The following ATF6 variants were observed in gnomAD, a reference collection of about 807,000 sequenced individuals.
ATF6 encodes activating transcription factor 6.
In ATF6, 53 loss-of-function variants were observed where a neutral mutation model predicts 83.6. That is an observed-to-expected ratio of 0.63 (90% CI 0.51 to 0.80). The LOEUF (loss-of-function observed/expected upper bound fraction) is 0.80. ATF6 is among the 30% of genes least tolerant of loss of function. The pLI is 0.00. For missense variants in ATF6, 744 were observed against 797.9 expected (o/e 0.93, Z 0.81); for synonymous variants, 288 against 285.8 (o/e 1.01, Z -0.08).
chr1:161,908,748 A>G (rs1251557993), intron 14 of ATF6, among the ~76,000 whole-genome samples: 2 of 152,230 alleles, frequency 1.3e-5, no homozygotes, highest in African/African-American at 4.8e-5. Context: ...TTCTATGGCA[A>G]CATTCTTATT....
At chr1:161,798,193 C>T (rs1024098893) in intron 6 of ATF6, among the ~76,000 whole-genome samples, 1 of 152,130 alleles carries the variant, frequency 6.6e-6, no homozygotes, top group Non-Finnish European at 1.5e-5. Flanking sequence ...TGTACAGGCT[C>T]AAATTATAAA....
chr1:161,832,763 T>C (rs1571171654), intron 9 of ATF6, among the ~76,000 whole-genome samples: 1 of 152,256 alleles, frequency 6.6e-6, no homozygotes, highest in East Asian at 1.9e-4. Context: ...CTGGGAAGCT[T>C]GAACTGGGTG....
intron 9 of ATF6, among the ~76,000 whole-genome samples, chr1:161,823,958 TTATGTGTCTG>T (rs1191198145): frequency 6.6e-6 from 1 of 152,130 alleles, no homozygotes; most frequent in African/African-American, 2.4e-5. Flanking sequence ...TTCCATATAT[TTATGTGTCTG>T]TATGTGTATG....
chr1:161,789,049 G>A (rs1034329556), intron 4 of ATF6, among the ~76,000 whole-genome samples: 1 of 151,332 alleles, frequency 6.6e-6, no homozygotes, highest in African/African-American at 2.4e-5. Flanking sequence ...ATATTTGTGG[G>A]GTACATGAGA....
intron 14 of ATF6, 139 bp from the exon 15 acceptor site, chr1:161,912,154 AGTT>A: frequency 1.9e-6 from 1 of 529,984 alleles, no homozygotes; most frequent in Non-Finnish European, 3.3e-6. Flanking sequence ...GCTGGTTTGT[AGTT>A]AATTAAGCCA....
intron 6 of ATF6, among the ~76,000 whole-genome samples, chr1:161,794,693 CT>C (rs1173561951): frequency 2.6e-5 from 4 of 152,148 alleles, no homozygotes; most frequent in Non-Finnish European, 5.9e-5. Flanking sequence ...TGTCATTGTC[CT>C]TTGAATTCTC....
intron 15 of ATF6, among the ~76,000 whole-genome samples, chr1:161,944,509 C>G (rs1477289469): frequency 1.3e-5 from 2 of 152,200 alleles, no homozygotes; most frequent in African/African-American, 4.8e-5. Context: ...GCAGTTTGTT[C>G]TGTAGATAAA....
chr1:161,822,477 G>T (rs958896725), intron 9 of ATF6, among the ~76,000 whole-genome samples: 5 of 152,046 alleles, frequency 3.3e-5, no homozygotes, highest in East Asian at 1.9e-4. Context: ...GTAGGGGTAG[G>T]CATGAAGTCT....
intron 14 of ATF6, 74 bp from the exon 15 acceptor site, chr1:161,912,222 G>GA: frequency 1.1e-6 from 1 of 921,846 alleles, no homozygotes; most frequent in South Asian, 2.0e-5. Context: ...TGACCTCTTA[G>GA]AAGCCCTGAA....
chr1:161,872,593 T>G (rs115854117), intron 14 of ATF6, among the ~76,000 whole-genome samples: 2 of 151,706 alleles, frequency 1.3e-5, no homozygotes, highest in Non-Finnish European at 3.0e-5. Context: ...TTTATGTTAT[T>G]TTAAAACCTA....
At chr1:161,952,666 A>ATT (rs1285918818) in intron 15 of ATF6, among the ~76,000 whole-genome samples, 2 of 148,218 alleles carry the variant, frequency 1.3e-5, no homozygotes, top group Non-Finnish European at 3.0e-5. Context: ...ATGTTCAGGC[A>ATT]TTATATATAT....
chr1:161,914,836 GT>G (rs1356059851), intron 15 of ATF6, among the ~76,000 whole-genome samples: 1 of 151,912 alleles, frequency 6.6e-6, no homozygotes, highest in Non-Finnish European at 1.5e-5. Flanking sequence ...CCTTTCTTAG[GT>G]CCCACTTTCT....
chr1:161,920,911 A>T (rs1341400654), intron 15 of ATF6, among the ~76,000 whole-genome samples: 2 of 152,228 alleles, frequency 1.3e-5, no homozygotes, highest in East Asian at 3.9e-4. Flanking sequence ...AGGCTCAGAA[A>T]GATAATATTT....
intron 7 of ATF6, among the ~76,000 whole-genome samples, chr1:161,817,125 A>G (rs1015839155): frequency 1.3e-5 from 2 of 152,220 alleles, no homozygotes; most frequent in African/African-American, 4.8e-5. Flanking sequence ...ACGTGGATTG[A>G]CAGCCTTTGA....
chr1:161,875,182 G>A (rs1426058461), intron 14 of ATF6, among the ~76,000 whole-genome samples: 1 of 151,766 alleles, frequency 6.6e-6, no homozygotes, highest in African/African-American at 2.4e-5. Flanking sequence ...ACACAGAGAT[G>A]TAATTGGAAA....
chr1:161,861,005 AAGC>A (rs1686874435), intron 13 of ATF6, among the ~76,000 whole-genome samples: 1 of 152,200 alleles, frequency 6.6e-6, no homozygotes, highest in Admixed American at 6.6e-5. Context: ...TTGTGGGCTC[AAGC>A]AGATTACATG....
At chr1:161,801,369 T>A (rs1685142443) in intron 6 of ATF6, among the ~76,000 whole-genome samples, 1 of 148,148 alleles carries the variant, frequency 6.8e-6, no homozygotes. Context: ...CTTTTTTTTT[T>A]TTTTTTTTTT....
chr1:161,815,979 C>T (rs557151830), intron 7 of ATF6, among the ~76,000 whole-genome samples: 1 of 152,264 alleles, frequency 6.6e-6, no homozygotes, highest in African/African-American at 2.4e-5. Flanking sequence ...AAAATGTGGA[C>T]GTACTTGAAA....
intron 14 of ATF6, among the ~76,000 whole-genome samples, chr1:161,872,379 G>A (rs190948711): frequency 1.2e-3 from 183 of 151,582 alleles, no homozygotes; most frequent in Admixed American, 0.01. Flanking sequence ...GTTTAATTCC[G>A]TTGATCTCTC....
Sources: gnomAD v4.1 joint callset for allele counts (sites outside exome capture counted in the v4.1 genomes callset) on GRCh38, gnomAD v4.1.1 for gene constraint, MANE v1.5 for transcripts, NCBI Gene and HGNC (gene_info 2026-07-23, HGNC 2026-07-21) for gene names.